The following SPRY3 variants were observed in gnomAD, a reference collection of about 807,000 sequenced individuals.
The protein encoded by SPRY3 is protein sprouty homolog 3.
A neutral mutation model predicts 20.2 loss-of-function variants in SPRY3; 15 were observed. That is an observed-to-expected ratio of 0.74 (90% CI 0.50 to 1.14). The LOEUF (loss-of-function observed/expected upper bound fraction) is 1.14, where lower values mean the gene tolerates loss of function less well. Among genes scored for constraint, SPRY3 ranks in the 50% most tolerant of loss-of-function variants. The pLI is 0.00. For synonymous variants in SPRY3, 143 were observed against 136.5 expected (o/e 1.05, Z -0.33); for missense variants, 364 against 363.9 (o/e 1.00, Z 0.00).
rs760875001 is a variant in SPRY3, at chrX:155,716,382, C to T, written c.-281-51580C>T. Among the ~76,000 whole-genome samples the T allele has an allele frequency of 3.9e-5, 6 of 152,206 alleles. No individual in the cohort carries two copies. In the South Asian group the frequency reaches 1.2e-3, roughly 32 times the overall value. On this transcript the variant is annotated intron_variant, in intron 2 of 3. Transcript: ENST00000675360. ...CTGTTGGATCATTGTCATTTAGTTT[C>T]ATCTAGTTCTTTAAAGATTGCTTCC...
intron 2 of SPRY3, among the ~76,000 whole-genome samples, chrX:155,682,661 C>T (rs2068077153): frequency 8.9e-6 from 1 of 112,097 alleles, no homozygotes; most frequent in Non-Finnish European, 1.9e-5. Context: ...TCTGGGACTA[C>T]AGATGTGTGC....
intron 2 of SPRY3, among the ~76,000 whole-genome samples, chrX:155,752,609 G>C (rs2091268777): frequency 6.6e-6 from 1 of 151,546 alleles, no homozygotes; most frequent in African/African-American, 2.4e-5. Context: ...CAAAGAACAA[G>C]AAAATACAGT....
At chrX:155,738,704 T>C (rs1213578906) in intron 2 of SPRY3, among the ~76,000 whole-genome samples, 1 of 152,140 alleles carries the variant, frequency 6.6e-6, no homozygotes, top group East Asian at 1.9e-4. Context: ...CACAGATCTT[T>C]GCAACCTGCA....
chrX:155,736,196 A>C (rs1433456831), intron 2 of SPRY3, among the ~76,000 whole-genome samples: 2 of 151,990 alleles, frequency 1.3e-5, no homozygotes, highest in Non-Finnish European at 2.9e-5. Context: ...TATTTTGAAC[A>C]AACTTTTACC....
chrX:155,743,206 A>G (rs1271539699), intron 2 of SPRY3, among the ~76,000 whole-genome samples: 4 of 152,202 alleles, frequency 2.6e-5, no homozygotes, highest in Non-Finnish European at 2.9e-5. Context: ...CAAATAAACT[A>G]GAAAATCTAG....
rs781843406 is a variant in SPRY3 at position 155,675,683 on chromosome X, C to T, written c.-282+18658C>T. ...GCCAGCTGCCTATGCCAGCTATTGACAATGTTGTTATATATTGTTTTTTGT... is the reference window on the plus strand; with the variant it reads ...GCCAGCTGCCTATGCCAGCTATTGATAATGTTGTTATATATTGTTTTTTGT... On this transcript the variant is annotated intron_variant, in intron 2 of 3. Transcript: ENST00000675360. Among the ~76,000 whole-genome samples the T allele has an allele frequency of 2.7e-5, 3 of 111,443 alleles. No individual in the cohort carries two copies. The South Asian group carries it at 1.1e-3, about 42-fold the overall frequency.
exon 4 of SPRY3, chrX:155,774,781 C>G: frequency 6.4e-7 from 1 of 1,569,024 alleles, no homozygotes; most frequent in Non-Finnish European, 8.6e-7. Flanking sequence ...CTTCGAGTCC[C>G]CAACAGCAAA....
chrX:155,747,883 G>A (rs930077739), intron 2 of SPRY3, among the ~76,000 whole-genome samples: 2 of 151,652 alleles, frequency 1.3e-5, no homozygotes, highest in Non-Finnish European at 2.9e-5. Context: ...TGTAAAATAC[G>A]AAATGATGCA....
At chrX:155,764,665 T>G (rs2091317464) in intron 2 of SPRY3, among the ~76,000 whole-genome samples, 1 of 151,976 alleles carries the variant, frequency 6.6e-6, no homozygotes. Context: ...GACAGACAAT[T>G]ATAATAAAGT....
At chrX:155,747,697 G>A (rs2091234954) in intron 2 of SPRY3, among the ~76,000 whole-genome samples, 2 of 151,930 alleles carry the variant, frequency 1.3e-5, no homozygotes, top group African/African-American at 4.8e-5. Context: ...ATGACTGCCT[G>A]GAAGGCAGCC....
chrX:155,767,904 TTTTTGTTTTG>T lies in SPRY3; in HGVS notation c.-281-31_-281-22del, dbSNP rs927819283. The T allele has an allele frequency of 3.6e-3, 540 of 151,666 alleles. 4 individuals carry two copies. Among genetic ancestry groups the T allele is most frequent in the East Asian group, 0.012 (61 of 5,190 alleles). The allele number at this position is 151,666 out of a possible 1,614,324, so 9.4% of individuals were successfully genotyped here. Reference sequence around the variant, plus strand: ...GGTTTGACTCGCCCCCTCCCCCGTTTTTTTGTTTTGTTTTGTTTTGTTTTGTTTTGTTTTG... The same window carrying T: ...GGTTTGACTCGCCCCCTCCCCCGTTTTTTTGTTTTGTTTTGTTTTGTTTTG... On this transcript the variant is annotated intron_variant, in intron 2 of 3. Coordinates refer to ENST00000675360, the Ensembl canonical transcript of SPRY3.
chrX:155,732,825 A>G (rs934022732), intron 2 of SPRY3, among the ~76,000 whole-genome samples: 1 of 152,070 alleles, frequency 6.6e-6, no homozygotes, highest in African/African-American at 2.4e-5. Context: ...CTTATAAAAT[A>G]CGAGATCCTG....
At position 155,748,291 on chromosome X, in the gene SPRY3, G is replaced by A. The variant is rs750433255; in HGVS notation, c.-281-19671G>A. Among the ~76,000 whole-genome samples the A allele has an allele frequency of 2.0e-5, 3 of 152,014 alleles. No individual in the cohort carries two copies. In the East Asian group the frequency reaches 5.8e-4, roughly 29 times the overall value. The stretch of plus-strand genomic sequence containing the variant: ...TTGCCATTTATAAACCATGTTTAAA[G>A]TAGTTTAATGATGAAATCTTGGCTA... On this transcript the variant is annotated intron_variant, in intron 2 of 3. Transcript: ENST00000675360.
chrX:155,738,667 A>G (rs1296699657), intron 2 of SPRY3, among the ~76,000 whole-genome samples: 1 of 152,086 alleles, frequency 6.6e-6, no homozygotes, highest in Non-Finnish European at 1.5e-5. Context: ...TGATCATGCA[A>G]TTCTTCCTGG....
chrX:155,669,505 AAAAC>A (rs1202302917), intron 2 of SPRY3, among the ~76,000 whole-genome samples: 16 of 111,213 alleles, frequency 1.4e-4, no homozygotes, highest in African/African-American at 5.2e-4. Context: ...AAAACAAAAC[AAAAC>A]AGAGCAATAA....
intron 2 of SPRY3, among the ~76,000 whole-genome samples, chrX:155,761,194 A>G (rs2091302670): frequency 6.6e-6 from 1 of 152,064 alleles, no homozygotes; most frequent in Non-Finnish European, 1.5e-5. Context: ...ACTTTAAATT[A>G]CCTATCCTAA....
chrX:155,740,254 G>A (rs1299674461), intron 2 of SPRY3, among the ~76,000 whole-genome samples: 1 of 152,114 alleles, frequency 6.6e-6, no homozygotes, highest in African/African-American at 2.4e-5. Context: ...AAACATTTGT[G>A]TTTGAACAAT....
chrX:155,742,942 G>A (rs780108357), intron 2 of SPRY3, among the ~76,000 whole-genome samples: 10 of 151,698 alleles, frequency 6.6e-5, no homozygotes, highest in African/African-American at 1.9e-4. Context: ...GAACCCCAAA[G>A]CTAGCAGAAG....
intron 3 of SPRY3, among the ~76,000 whole-genome samples, chrX:155,772,578 T>C: frequency 6.6e-6 from 1 of 152,218 alleles, no homozygotes; most frequent in Middle Eastern, 3.4e-3. Flanking sequence ...CCTGGATTTG[T>C]GTTTAGGTTT....
Sources: gnomAD v4.1 joint callset for allele counts (sites outside exome capture counted in the v4.1 genomes callset) on GRCh38, gnomAD v4.1.1 for gene constraint, MANE v1.5 for transcripts, NCBI Gene and HGNC (gene_info 2026-07-23, HGNC 2026-07-21) for gene names.